The following STAU2 variants were observed in gnomAD, a reference collection of about 807,000 sequenced individuals.
STAU2 encodes the protein staufen double-stranded RNA binding protein 2.
A neutral mutation model predicts 65.9 loss-of-function variants in STAU2; 20 were observed. That is an observed-to-expected ratio of 0.30 (90% confidence interval 0.21 to 0.44). The LOEUF is 0.44. Among genes scored for constraint, STAU2 ranks in the 20% least tolerant of loss-of-function variants. The pLI is 1.00. For missense variants in STAU2, 558 were observed against 683.9 expected (o/e 0.82, Z 2.05); for synonymous variants, 232 against 233.9 (o/e 0.99, Z 0.07).
chr8:73,668,231 C>G (rs1817379278), intron 6 of STAU2, among the ~76,000 whole-genome samples: 1 of 151,588 alleles, frequency 6.6e-6, no homozygotes, highest in African/African-American at 2.4e-5. Context: ...TATTTGAAAA[C>G]AAAGTAGAGA....
intron 12 of STAU2, among the ~76,000 whole-genome samples, chr8:73,574,291 C>CT (rs1385654287): frequency 3.3e-5 from 5 of 152,310 alleles, no homozygotes; most frequent in Admixed American, 2.0e-4. Flanking sequence ...AACAGGAACA[C>CT]TTTTACACTG....
intron 6 of STAU2, among the ~76,000 whole-genome samples, chr8:73,625,438 G>A (rs1316159643): frequency 6.6e-6 from 1 of 152,148 alleles, no homozygotes; most frequent in Non-Finnish European, 1.5e-5. Flanking sequence ...CTAAGTGAAA[G>A]AAGCTAGATA....
At chr8:73,618,965 G>C (rs1339686772) in intron 6 of STAU2, among the ~76,000 whole-genome samples, 1 of 152,104 alleles carries the variant, frequency 6.6e-6, no homozygotes, top group African/African-American at 2.4e-5. Context: ...GGGTTTGCTG[G>C]GGGTGGATTT....
intron 13 of STAU2, among the ~76,000 whole-genome samples, chr8:73,537,768 T>C (rs1052939039): frequency 3.3e-5 from 5 of 151,890 alleles, no homozygotes; most frequent in African/African-American, 9.7e-5. Context: ...TGAAAAAGAG[T>C]ATGAATATTG....
chr8:73,575,517 G>A lies in STAU2; in HGVS notation c.1222+7253C>T, dbSNP rs192950632. On this transcript the variant is annotated intron_variant, in intron 12 of 14. Transcript: ENST00000524300. ...CTCCAACAAATATGCTACCACATAC[G>A]TAAAATTACTTATGTATGAGGTTTT... Among the ~76,000 whole-genome samples the A allele has an allele frequency of 7.4e-4, 112 of 152,178 alleles. 2 individuals are homozygous for A. The highest frequency in any genetic ancestry group is 2.6e-3 in the African/African-American group (107 of 41,544).
intron 3 of STAU2, among the ~76,000 whole-genome samples, chr8:73,724,691 A>ATT (rs71269938): frequency 2.1e-5 from 3 of 142,100 alleles, no homozygotes; most frequent in African/African-American, 7.9e-5. Context: ...ATATATATAT[A>ATT]TTTTTTTTTT....
intron 13 of STAU2, among the ~76,000 whole-genome samples, chr8:73,530,005 G>A (rs958575599): frequency 6.1e-5 from 9 of 147,610 alleles, no homozygotes; most frequent in African/African-American, 1.2e-4. Flanking sequence ...TTTCAAGTGC[G>A]TGCCTTTTGC....
intron 13 of STAU2, among the ~76,000 whole-genome samples, chr8:73,422,911 C>T (rs954699758): frequency 5.3e-5 from 8 of 152,290 alleles, no homozygotes; most frequent in Non-Finnish European, 1.0e-4. Flanking sequence ...AGTCTCCTGC[C>T]TTATCCCTTC....
intron 6 of STAU2, among the ~76,000 whole-genome samples, chr8:73,624,512 T>G (rs1813496898): frequency 6.6e-6 from 1 of 152,220 alleles, no homozygotes; most frequent in South Asian, 2.1e-4. Context: ...CAGGCACTAT[T>G]CCAAGCATTT....
intron 13 of STAU2, among the ~76,000 whole-genome samples, chr8:73,509,416 A>G (rs1822258230): frequency 6.6e-6 from 1 of 152,212 alleles, no homozygotes; most frequent in African/African-American, 2.4e-5. Flanking sequence ...TATAATTTGT[A>G]AATATTTTCC....
chr8:73,740,641 T>C (rs1010910329), intron 1 of STAU2, among the ~76,000 whole-genome samples: 2 of 152,090 alleles, frequency 1.3e-5, no homozygotes, highest in African/African-American at 2.4e-5. Flanking sequence ...AAACAGTTCA[T>C]TTAAAAAGTA....
At chr8:73,723,034 G>T (rs1250760278) in intron 3 of STAU2, among the ~76,000 whole-genome samples, 1 of 151,980 alleles carries the variant, frequency 6.6e-6, no homozygotes, top group Admixed American at 6.6e-5. Flanking sequence ...TATCCTAGCC[G>T]CTCAGGGCAC....
chr8:73,583,894 C>T (rs1810176639), intron 11 of STAU2, among the ~76,000 whole-genome samples: 1 of 152,088 alleles, frequency 6.6e-6, no homozygotes, highest in South Asian at 2.1e-4. Flanking sequence ...TCTTTCTGTA[C>T]AGCTGGTAAC....
chr8:73,718,212 T>C (rs1821389510), intron 3 of STAU2, among the ~76,000 whole-genome samples: 1 of 152,218 alleles, frequency 6.6e-6, no homozygotes, highest in Non-Finnish European at 1.5e-5. Context: ...TAATATATGT[T>C]ACTGATTCAT....
At chr8:73,682,944 G>A (rs1818535519) in intron 5 of STAU2, among the ~76,000 whole-genome samples, 1 of 151,690 alleles carries the variant, frequency 6.6e-6, no homozygotes, top group South Asian at 2.1e-4. Flanking sequence ...ACTGACCACA[G>A]CAAGACTGAA....
intron 13 of STAU2, among the ~76,000 whole-genome samples, chr8:73,486,842 A>C (rs985095238): frequency 2.0e-5 from 3 of 151,462 alleles, no homozygotes; most frequent in African/African-American, 4.9e-5. Flanking sequence ...TTGTAGAGAC[A>C]GAGTCTTGCT....
At chr8:73,438,275 AACAG>A (rs2128888366) in intron 13 of STAU2, among the ~76,000 whole-genome samples, 1 of 152,352 alleles carries the variant, frequency 6.6e-6, no homozygotes, top group African/African-American at 2.4e-5. Context: ...GCTGGGCGCT[AACAG>A]ACAGTCATCA....
At chr8:73,738,963 G>A (rs1298954866) in intron 2 of STAU2, among the ~76,000 whole-genome samples, 1 of 152,040 alleles carries the variant, frequency 6.6e-6, no homozygotes, top group Non-Finnish European at 1.5e-5. Context: ...TAAAATTTCA[G>A]GCTGGGCGTG....
At chr8:73,696,891 A>G (rs1012446421) in intron 4 of STAU2, among the ~76,000 whole-genome samples, 2 of 152,236 alleles carry the variant, frequency 1.3e-5, no homozygotes, top group African/African-American at 4.8e-5. Context: ...GTTATAGAAC[A>G]CCAAGCAGAT....
Sources: allele counts gnomAD v4.1 joint callset (sites outside exome capture counted in the v4.1 genomes callset), GRCh38; gene constraint gnomAD v4.1.1; transcripts MANE v1.5; gene names NCBI Gene and HGNC (gene_info 2026-07-23, HGNC 2026-07-21).